PSMC6: variants seen among roughly 807,000 people sequenced by gnomAD.
PSMC6 encodes 26S proteasome regulatory subunit 10B.
A neutral mutation model predicts 55.9 loss-of-function variants in PSMC6; 3 were observed. That is an observed-to-expected ratio of 0.05 (90% confidence interval 0.02 to 0.14). PSMC6 has a LOEUF of 0.14. Among genes scored for constraint, PSMC6 ranks in the 10% least tolerant of loss-of-function variants. The pLI is 1.00. For missense variants in PSMC6, 210 were observed against 478.7 expected (o/e 0.44, Z 5.24); for synonymous variants, 137 against 155.9 (o/e 0.88, Z 0.90).
At chr14:52,708,588 C>T (rs2041730631) in intron 3 of PSMC6, 66 bp downstream of exon 3, 29 of 1,555,010 alleles carry the variant, frequency 1.9e-5, no homozygotes, top group Non-Finnish European at 2.5e-5. Flanking sequence ...TTTTGAAATG[C>T]TTATTATTTT....
At chr14:52,719,330 T>C (rs1446125768) in intron 10 of PSMC6, among the ~76,000 whole-genome samples, 1 of 152,202 alleles carries the variant, frequency 6.6e-6, no homozygotes, top group Non-Finnish European at 1.5e-5. Context: ...TTGCGGTAGT[T>C]TTATGAAGAC....
rs1880481660 is a variant in PSMC6 at position 52,727,790 on chromosome 14, ATGTT to A, written c.*178_*181del. 6.3e-6 allele frequency: 3 copies of A among 475,530 alleles called. No homozygotes were observed. In the East Asian group the frequency reaches 1.0e-4, roughly 16 times the overall value. The allele number at this position is 475,530 out of a possible 1,614,324, so 29.5% of individuals were successfully genotyped here. A position where few individuals can be genotyped will look rare whatever the true frequency, so the allele number is the denominator to read the frequency against. On this transcript the variant is annotated 3_prime_UTR_variant, in exon 14 of 14. Transcript: ENST00000445930. ...CTTTTAAGATACAGAAGAAATTTGT[ATGTT>A]TGTTAAAGTTGCATTTATTGCAGCA... is the stretch of plus-strand genomic sequence containing the variant.
In PSMC6 at chr14:52,728,046, T is replaced by C. The variant is rs1191495947; in HGVS notation, c.*429T>C. 2 of 156,100 alleles carry C rather than the reference T, an allele frequency of 1.3e-5. No individual in the cohort carries two copies. The highest frequency in any genetic ancestry group is 1.9e-4 in the South Asian group (1 of 5,240). 9.7% of individuals were successfully genotyped at this position (156,100 alleles called of 1,614,324 possible). A position where few individuals can be genotyped will look rare whatever the true frequency, so the allele number is the denominator to read the frequency against. ...ATTTACTGTGGTCCTTTAGGTTCTTTAGCAAGTAAACTATTTGATAACCCA... is the reference window on the plus strand; with the variant it reads ...ATTTACTGTGGTCCTTTAGGTTCTTCAGCAAGTAAACTATTTGATAACCCA... On this transcript the variant is annotated 3_prime_UTR_variant, in exon 14 of 14. Transcript: ENST00000445930.
rs1428418923 is a variant in PSMC6 at position 52,709,449 on chromosome 14, G to A, written c.258+633G>A. 4.6e-5 allele frequency: 15 copies of A among 323,540 alleles called. 1 individual carries two copies. Among genetic ancestry groups the A allele is most frequent in the South Asian group, 3.1e-4 (13 of 42,512 alleles). 20.0% of individuals were successfully genotyped at this position (323,540 alleles called of 1,614,324 possible). On this transcript the variant is annotated intron_variant, in intron 4 of 13. Transcript: ENST00000445930. ...AAACATTCACAGAACATGGCTGTAAGGGAGAATTTAATCCAGGAACTATAA... is the reference window on the plus strand; with the variant it reads ...AAACATTCACAGAACATGGCTGTAAAGGAGAATTTAATCCAGGAACTATAA...
intron 4 of PSMC6, 80 bp from the exon 5 acceptor site, chr14:52,711,010 ATGAGTGTTTGG>A: frequency 1.2e-6 from 1 of 814,514 alleles, no homozygotes; most frequent in Non-Finnish European, 2.0e-6. Flanking sequence ...GAGGGTAAAA[ATGAGTGTTTGG>A]CTTCTAAATA....
intron 13 of PSMC6, among the ~76,000 whole-genome samples, chr14:52,726,382 C>T (rs956988863): frequency 1.3e-5 from 2 of 152,130 alleles, no homozygotes; most frequent in African/African-American, 2.4e-5. Context: ...ATAATGACTC[C>T]GAGTTTTGCT....
rs373313044 is a variant in PSMC6, at chr14:52,721,162, A to C, written c.951A>C (p.Ala317=). 1 of 1,596,020 alleles carries C rather than the reference A, an allele frequency of 6.3e-7. No individual in the cohort carries two copies. Among genetic ancestry groups the C allele is most frequent in the African/African-American group, 1.4e-5 (1 of 73,828 alleles). ...GATTAGACATACTGAAAATCCATGCAGGTCCCATTACAAAGCATGGTGAAA... is the reference window on the plus strand; with the variant it reads ...GATTAGACATACTGAAAATCCATGCCGGTCCCATTACAAAGCATGGTGAAA... The part of the protein sequence containing the change: ...QARLDILKIH[A]GPITKHGEID... The change falls in exon 12 of 14, where the codon GCA becomes GCC. Residue 317 remains alanine, a synonymous_variant. Transcript: ENST00000445930.
intron 9 of PSMC6, 101 bp downstream of exon 9, chr14:52,718,453 A>T (rs920296889): frequency 2.4e-6 from 3 of 1,255,860 alleles, no homozygotes; most frequent in Admixed American, 4.7e-5. Context: ...TATGAAGTAG[A>T]TACCACAATG....
chr14:52,721,140 T>TA lies in PSMC6; in HGVS notation c.930dup (p.Asp311ArgfsTer15). ...GATTTGCCAAATGAACAAGCAAGAT[T>TA]AGACATACTGAAAATCCATGCAGGT... On this transcript the variant is annotated frameshift_variant, in exon 12 of 14. Coordinates refer to ENST00000445930, the MANE Select transcript of PSMC6 (RefSeq NM_002806.5). LOFTEE classifies it high-confidence loss of function. 1 of 1,601,372 alleles carries TA rather than the reference T, an allele frequency of 6.2e-7. No homozygotes were observed.
At chr14:52,727,477 C>A in intron 13 of PSMC6, 22 bp from the exon 14 acceptor site, 1 of 1,460,402 alleles carries the variant, frequency 6.8e-7, no homozygotes, top group South Asian at 1.2e-5. Flanking sequence ...ATATAGCAGT[C>A]ATGTTGTTTT....
Position 52,718,295 on chromosome 14 carries a change from A to G in PSMC6, c.658A>G (p.Asn220Asp). The change falls in exon 9 of 14, where the codon AAT becomes GAT. Residue 220 changes from asparagine to aspartate, a missense_variant. Transcript: ENST00000445930. Reference sequence around the variant, plus strand: ...TGCTCGTTTGATCAGAGAAATGTTTAATTATGCTAGAGATCATCAACCATG... The same window carrying G: ...TGCTCGTTTGATCAGAGAAATGTTTGATTATGCTAGAGATCATCAACCATG... ...ESARLIREMFNYARDHQPCII... is the reference protein window; with the variant it reads ...ESARLIREMFDYARDHQPCII... 1 of 1,612,748 alleles carries G rather than the reference A, an allele frequency of 6.2e-7. No individual in the cohort carries two copies. Among genetic ancestry groups the G allele is most frequent in the Non-Finnish European group, 8.5e-7 (1 of 1,178,820 alleles).
chr14:52,708,863 T>G, intron 4 of PSMC6, 47 bp downstream of exon 4: 1 of 1,602,456 alleles, frequency 6.2e-7, no homozygotes, highest in Non-Finnish European at 8.5e-7. Flanking sequence ...CAAAGCAGTT[T>G]CATGTAAGTT....
chr14:52,708,966 C>A lies in PSMC6; in HGVS notation c.258+150C>A, dbSNP rs572927185. The A allele has an allele frequency of 1.4e-5, 16 of 1,150,126 alleles. No homozygotes were observed. In the South Asian group the frequency reaches 2.3e-4, roughly 16 times the overall value. 71.2% of individuals were successfully genotyped at this position (1,150,126 alleles called of 1,614,324 possible). On this transcript the variant is annotated intron_variant, in intron 4 of 13. Transcript: ENST00000445930. The stretch of plus-strand genomic sequence containing the variant: ...CAGACATAGCTAGTTATTAACAAAG[C>A]CTGAATTCAAACCATGGGCTTTGAC...
Position 52,708,406 on chromosome 14 carries a change from G to A in PSMC6, c.165+18G>A. 1 of 1,612,212 alleles carries A rather than the reference G, an allele frequency of 6.2e-7. No homozygotes were observed. The highest frequency in any genetic ancestry group is 1.1e-5 in the South Asian group (1 of 90,994). ...TTGGGCAGGTAGGTGATGGAGTTTG[G>A]GGAATAGGGGGTGATGGTAATTTGC... is the stretch of plus-strand genomic sequence containing the variant. On this transcript the variant is annotated intron_variant, in intron 2 of 13. Transcript: ENST00000445930.
intron 12 of PSMC6, chr14:52,721,468 T>C (rs1238186713): frequency 6.9e-6 from 2 of 288,750 alleles, no homozygotes; most frequent in Non-Finnish European, 1.3e-5. Flanking sequence ...TAAAACAAAG[T>C]ATAATAGATG....
chr14:52,722,405 G>A (rs1880235189), intron 12 of PSMC6: 1 of 150,890 alleles, frequency 6.6e-6, no homozygotes, highest in Non-Finnish European at 1.5e-5. Context: ...ATGCTACTGG[G>A]AATGACCTAG....
intron 7 of PSMC6, 109 bp downstream of exon 7, chr14:52,714,077 G>C: frequency 1.4e-6 from 1 of 700,388 alleles, no homozygotes; most frequent in Non-Finnish European, 2.2e-6. Context: ...GTCTCACTCT[G>C]TTGCCCAGGC....
chr14:52,720,172 A>C (rs1338075906), intron 10 of PSMC6, among the ~76,000 whole-genome samples: 1 of 143,674 alleles, frequency 7.0e-6, no homozygotes, highest in Non-Finnish European at 1.5e-5. Flanking sequence ...CAGTGGGCTG[A>C]GATCGCCCCA....
chr14:52,718,888 A>T, intron 9 of PSMC6, 89 bp from the exon 10 acceptor site: 1 of 999,010 alleles, frequency 1.0e-6, no homozygotes, highest in Non-Finnish European at 1.5e-6. Context: ...TTAATGTTTT[A>T]AGCCACAGAC....
Sources: allele counts gnomAD v4.1 joint callset (sites outside exome capture counted in the v4.1 genomes callset), GRCh38; gene constraint gnomAD v4.1.1; transcripts MANE v1.5; gene names NCBI Gene and HGNC (gene_info 2026-07-23, HGNC 2026-07-21).